Variants in SPP2 observed in about 807,000 individuals in gnomAD.
The protein encoded by SPP2 is secreted phosphoprotein 24.
Under a neutral mutation model 28.8 loss-of-function variants are expected in SPP2, and 34 were observed. The observed-to-expected ratio is 1.18, with a 90% CI of 0.90 to 1.57. SPP2 has a LOEUF of 1.57. SPP2 is among the 40% of genes most tolerant of loss of function. The probability of loss-of-function intolerance (pLI) is 0.00; values close to 1 mark genes in which losing one functional copy is unlikely to be tolerated. For synonymous variants in SPP2, 96 were observed against 89.4 expected, an observed-to-expected ratio of 1.07 and a Z score of -0.42; for missense variants, 269 against 263.9, an observed-to-expected ratio of 1.02 and a Z score of -0.13.
In SPP2 at chr2:234,050,776, C is replaced by G; in HGVS notation, c.-11C>G. 2 of 1,612,468 alleles carry G rather than the reference C, an allele frequency of 1.2e-6. No individual in the cohort carries two copies. The highest frequency in any genetic ancestry group is 1.1e-5 in the South Asian group (1 of 90,966). On this transcript the variant is annotated 5_prime_UTR_variant, in exon 1 of 8. Coordinates refer to ENST00000168148, the MANE Select transcript of SPP2 (RefSeq NM_006944.3). ...ACATAGAGAGACACTCTCTGTCTCT[C>G]GATTACAATCATGATTTCCAGAATG...
At chr2:234,068,278 G>C (rs1011720032) in intron 6 of SPP2, among the ~76,000 whole-genome samples, 1 of 152,168 alleles carries the variant, frequency 6.6e-6, no homozygotes, top group African/African-American at 2.4e-5. Flanking sequence ...CTGTGAGGTA[G>C]CACTATGTTC....
At chr2:234,067,186 G>A (rs1693838303) in intron 5 of SPP2, 38 bp from the exon 6 acceptor site, 1 of 1,578,716 alleles carries the variant, frequency 6.3e-7, no homozygotes, top group Non-Finnish European at 8.7e-7. Flanking sequence ...CTGGAACAGT[G>A]AGAGGAGTCT....
intron 4 of SPP2, among the ~76,000 whole-genome samples, chr2:234,061,657 C>T (rs1034226656): frequency 6.6e-6 from 1 of 152,090 alleles, no homozygotes; most frequent in Admixed American, 6.5e-5. Flanking sequence ...TTAATATACT[C>T]CTGCCTTAAC....
chr2:234,075,232 T>G (rs1268362056), intron 7 of SPP2, among the ~76,000 whole-genome samples: 1 of 152,088 alleles, frequency 6.6e-6, no homozygotes, highest in Non-Finnish European at 1.5e-5. Flanking sequence ...GAGCAGTGAG[T>G]AGGCGAATTC....
chr2:234,075,691 C>T (rs749265649), intron 7 of SPP2, among the ~76,000 whole-genome samples: 2 of 152,200 alleles, frequency 1.3e-5, no homozygotes, highest in Non-Finnish European at 2.9e-5. Context: ...CCAAGCACCC[C>T]CAGGGCTTTG....
In SPP2 at chr2:234,064,731, A is replaced by G. The variant is rs999472224; in HGVS notation, c.445-1802A>G. 3.3e-5 allele frequency among the ~76,000 whole-genome samples: 5 copies of G among 152,226 alleles called. No homozygotes were observed. In the East Asian group the frequency reaches 5.8e-4, roughly 18 times the overall value. On this transcript the variant is annotated intron_variant, in intron 4 of 7. Transcript: ENST00000168148. ...TTCTCTATTCCTCATTCCTCCTAACACTTGGCAACCACTAATCTACTTTGT... is the reference window on the plus strand; with the variant it reads ...TTCTCTATTCCTCATTCCTCCTAACGCTTGGCAACCACTAATCTACTTTGT...
intron 4 of SPP2, among the ~76,000 whole-genome samples, chr2:234,063,281 G>A (rs1198163140): frequency 6.6e-6 from 1 of 151,974 alleles, no homozygotes; most frequent in African/African-American, 2.4e-5. Context: ...AAAACTCCCA[G>A]AGTAATAAAA....
chr2:234,068,728 G>A (rs190398863), intron 6 of SPP2, among the ~76,000 whole-genome samples: 29 of 137,918 alleles, frequency 2.1e-4, no homozygotes, highest in African/African-American at 4.4e-4. Context: ...TTAAATCTCC[G>A]TACTGGTGGC....
intron 2 of SPP2, among the ~76,000 whole-genome samples, chr2:234,058,398 T>TA: frequency 6.6e-6 from 1 of 152,384 alleles, no homozygotes; most frequent in East Asian, 1.9e-4. Context: ...CTCCTGTTGG[T>TA]AACATGCATG....
At chr2:234,074,378 C>G (rs537677990) in intron 7 of SPP2, among the ~76,000 whole-genome samples, 39 of 152,276 alleles carry the variant, frequency 2.6e-4, no homozygotes, top group African/African-American at 9.4e-4. Flanking sequence ...CCTGCACCAC[C>G]ACCGCCAGCT....
At chr2:234,055,733 T>C (rs1305678944) in intron 2 of SPP2, among the ~76,000 whole-genome samples, 1 of 152,216 alleles carries the variant, frequency 6.6e-6, no homozygotes, top group Non-Finnish European at 1.5e-5. Flanking sequence ...AGTGTTTTTA[T>C]TCATATGAAG....
chr2:234,059,065 G>A, intron 3 of SPP2, 107 bp downstream of exon 3: 1 of 1,354,678 alleles, frequency 7.4e-7, no homozygotes, highest in South Asian at 1.5e-5. Flanking sequence ...CTAGCATCTG[G>A]CCACACTGCT....
chr2:234,059,021 C>A, intron 3 of SPP2, 63 bp downstream of exon 3: 2 of 1,565,734 alleles, frequency 1.3e-6, no homozygotes, highest in South Asian at 1.2e-5. Flanking sequence ...CTTCCATGAC[C>A]TGGAGTCACA....
chr2:234,058,074 G>C (rs1693643423), intron 2 of SPP2, among the ~76,000 whole-genome samples: 1 of 152,144 alleles, frequency 6.6e-6, no homozygotes, highest in Non-Finnish European at 1.5e-5. Flanking sequence ...TTGTTTTTGT[G>C]AGTTCCTGCT....
Position 234,067,274 on chromosome 2 carries a change from G to C in SPP2, c.550G>C (p.Gly184Arg). 1 of 1,613,906 alleles carries C rather than the reference G, an allele frequency of 6.2e-7. No individual in the cohort carries two copies. The highest frequency in any genetic ancestry group is 8.5e-7 in the Non-Finnish European group (1 of 1,179,860). ...ISEQFYDRSL[G>R]IMRRVLPPGN... The stretch of plus-strand genomic sequence containing the variant: ...TGAACAATTTTATGATCGGTCACTT[G>C]GTAAGTGATTTCTTTCCTGCTGTGC... The change falls in exon 6 of 8, where the codon GGG becomes CGG. Residue 184 changes from glycine (G) to arginine (R), a missense_variant and splice_region_variant. By Grantham distance (125) the Gly-to-Arg change is moderately radical. Transcript: ENST00000168148.
intron 7 of SPP2, among the ~76,000 whole-genome samples, chr2:234,074,216 C>T (rs1039447396): frequency 2.0e-5 from 3 of 152,122 alleles, no homozygotes; most frequent in African/African-American, 7.2e-5. Flanking sequence ...GAGGGCAAAA[C>T]TTCAAGACTT....
chr2:234,050,810 G>A lies in SPP2; in HGVS notation c.24G>A (p.Met8Ile), dbSNP rs751978185. ...TCATGATTTCCAGAATGGAGAAGAT[G>A]ACGATGATGATGAAGATATTGATTA... Reference protein sequence around the residue: MISRMEKMTMMMKILIMF... With the variant: MISRMEKITMMMKILIMF... Residue 8 changes from methionine (M) to isoleucine (I), a missense_variant, in exon 1 of 8, where the codon ATG (methionine) becomes ATA (isoleucine). By Grantham distance (10) the Met-to-Ile change is conservative. Transcript: ENST00000168148. The A allele has an allele frequency of 6.2e-7, 1 of 1,613,998 alleles. No individual in the cohort carries two copies.
rs192069790 is a variant in SPP2, at chr2:234,052,490, C to G, written c.210+1395C>G. Reference sequence around the variant, plus strand: ...ATCCCAAGAGAACCAATTACTGACACCGTGGAAATCTGCCCTGTGGAGATG... The same window carrying G: ...ATCCCAAGAGAACCAATTACTGACAGCGTGGAAATCTGCCCTGTGGAGATG... On this transcript the variant is annotated intron_variant, in intron 2 of 7. Coordinates refer to ENST00000168148, the MANE Select transcript of SPP2 (RefSeq NM_006944.3). Among the ~76,000 whole-genome samples the G allele has an allele frequency of 1.6e-4, 25 of 152,300 alleles. No individual in the cohort carries two copies. The East Asian group carries it at 4.1e-3, about 25-fold the overall frequency.
chr2:234,065,772 C>CA (rs1448371371), intron 4 of SPP2, among the ~76,000 whole-genome samples: 1 of 152,038 alleles, frequency 6.6e-6, no homozygotes, highest in Non-Finnish European at 1.5e-5. Context: ...CTTTGAAGAG[C>CA]AAAATTAAAT....
Sources: gnomAD v4.1 joint callset for allele counts (sites outside exome capture counted in the v4.1 genomes callset) on GRCh38, gnomAD v4.1.1 for gene constraint, MANE v1.5 for transcripts, NCBI Gene and HGNC (gene_info 2026-07-23, HGNC 2026-07-21) for gene names.